PXK: variants seen among roughly 807,000 people sequenced by gnomAD.
The protein encoded by PXK is PX domain-containing protein kinase-like protein.
PXK carries 35 observed loss-of-function variants against 84.7 expected under a neutral mutation model. That is an observed-to-expected ratio of 0.41 (90% confidence interval 0.32 to 0.55). PXK has a LOEUF of 0.55. Among genes scored for constraint, PXK ranks in the 20% least tolerant of loss-of-function variants. The probability of loss-of-function intolerance (pLI) is 0.21; values close to 1 mark genes in which losing one functional copy is unlikely to be tolerated. For synonymous variants in PXK, 253 were observed against 260.8 expected (o/e 0.97, Z 0.29); for missense variants, 634 against 699.7 (o/e 0.91, Z 1.06).
At chr3:58,368,386 G>A (rs954532516) in intron 2 of PXK, among the ~76,000 whole-genome samples, 4 of 152,054 alleles carry the variant, frequency 2.6e-5, no homozygotes, top group Admixed American at 6.6e-5. Flanking sequence ...GCAGTGGAGC[G>A]ATCTCTGCTC....
rs1342336066 is a variant in PXK, at chr3:58,421,535, G to A, written c.1529-3217G>A. On this transcript the variant is annotated intron_variant, in intron 17 of 17. Coordinates refer to ENST00000356151, the MANE Select transcript of PXK (RefSeq NM_017771.5). This position sits in a 1 kb window ranked among gnomAD's most constrained non-coding sequence, Gnocchi z 5.5. ...GCGGAGCTTGCAGTGAGCCGAGATC[G>A]CGCCACTGCACTCCAGCCTGGGCAA... The A allele has an allele frequency of 1.9e-5, 18 of 939,046 alleles. No individual in the cohort carries two copies. The Middle Eastern group carries it at 1.1e-3, about 60-fold the overall frequency. 58.2% of individuals were successfully genotyped at this position (939,046 alleles called of 1,614,324 possible). A position where few individuals can be genotyped will look rare whatever the true frequency, so the allele number is the denominator to read the frequency against.
In PXK at chr3:58,393,164, T is replaced by C. The variant is rs374752902; in HGVS notation, c.615+1317T>C. 1.6e-4 allele frequency among the ~76,000 whole-genome samples: 25 copies of C among 151,958 alleles called. 1 individual carries two copies. In the South Asian group the frequency reaches 4.0e-3, roughly 24 times the overall value. On this transcript the variant is annotated intron_variant, in intron 7 of 17. Coordinates refer to ENST00000356151, the MANE Select transcript of PXK (RefSeq NM_017771.5). The stretch of plus-strand genomic sequence containing the variant: ...GAGATCGAAACCATCCTGGCTAACA[T>C]GGTGAAACCCTGTCTCTACTAAAAA...
intron 17 of PXK, chr3:58,422,238 C>T: frequency 2.0e-6 from 2 of 985,426 alleles, no homozygotes; most frequent in Non-Finnish European, 2.4e-6. Context: ...TTCCTGCCTC[C>T]TCCAGTTTCC....
chr3:58,422,962 A>G (rs1357266617), intron 17 of PXK: 2 of 985,256 alleles, frequency 2.0e-6, no homozygotes, highest in African/African-American at 1.7e-5. Context: ...GTGGCCCTGA[A>G]TATCAAGTCC....
rs999694249 is a variant in PXK at position 58,412,484 on chromosome 3, G to A, written c.1466-417G>A. On this transcript the variant is annotated intron_variant, in intron 16 of 17. Transcript: ENST00000356151. This position sits in a 1 kb window ranked among gnomAD's most constrained non-coding sequence, Gnocchi z 6.2. ...ATGCGTTACTGGGTGGATGCTGTAC[G>A]GGGCACTCCCTTCCTTTGGAAGCCC... Among the ~76,000 whole-genome samples the A allele has an allele frequency of 2.0e-5, 3 of 152,120 alleles. No homozygotes were observed. The highest frequency in any genetic ancestry group is 7.2e-5 in the African/African-American group (3 of 41,422).
At chr3:58,410,559 C>G (rs576400328) in intron 16 of PXK, among the ~76,000 whole-genome samples, 4 of 152,186 alleles carry the variant, frequency 2.6e-5, no homozygotes, top group African/African-American at 9.7e-5. Flanking sequence ...AGGATGTGCT[C>G]TCCTGTGTGA....
In PXK at chr3:58,333,337, A is replaced by T. The variant is rs2107551891; in HGVS notation, c.102+247A>T. 3.4e-6 allele frequency: 1 copy of T among 295,322 alleles called. No homozygotes were observed. The highest frequency in any genetic ancestry group is 2.8e-5 in the South Asian group (1 of 36,056). 18.3% of individuals were successfully genotyped at this position (295,322 alleles called of 1,614,324 possible). On this transcript the variant is annotated intron_variant, in intron 1 of 17. Coordinates refer to ENST00000356151, the MANE Select transcript of PXK (RefSeq NM_017771.5). The surrounding 1 kb of genome is among the most constrained non-coding windows in gnomAD (Gnocchi z 5.4). ...GCTCCCGGCGCCGCGGGGTGGAAGGAGCTCGGCGGCGACCAGGAAAGCGAC... is the reference window on the plus strand; with the variant it reads ...GCTCCCGGCGCCGCGGGGTGGAAGGTGCTCGGCGGCGACCAGGAAAGCGAC...
At chr3:58,347,634 A>C (rs2097847659) in intron 1 of PXK, among the ~76,000 whole-genome samples, 1 of 152,136 alleles carries the variant, frequency 6.6e-6, no homozygotes, top group African/African-American at 2.4e-5. Flanking sequence ...GTTGGTAGAT[A>C]TTTGGGTTAT....
At chr3:58,378,516 G>T (rs139648305) in intron 3 of PXK, among the ~76,000 whole-genome samples, 256 of 17,708 alleles carry the variant, frequency 0.014, 6 homozygotes, top group Non-Finnish European at 0.016. Flanking sequence ...TTTTTTTTGT[G>T]TGTGTGTGTG....
At chr3:58,415,597 A>T (rs1355271297) in intron 17 of PXK, among the ~76,000 whole-genome samples, 1 of 152,272 alleles carries the variant, frequency 6.6e-6, no homozygotes, top group Non-Finnish European at 1.5e-5. Flanking sequence ...TGGAGACGTC[A>T]TTGGATAGGC....
chr3:58,348,325 A>G (rs2097857369), intron 1 of PXK, among the ~76,000 whole-genome samples: 1 of 152,218 alleles, frequency 6.6e-6, no homozygotes, highest in Non-Finnish European at 1.5e-5. Flanking sequence ...ATTGGTTGAA[A>G]GAGGACAAGC....
At chr3:58,413,183 A>C (rs2060462895) in intron 17 of PXK, 3 of 594,240 alleles carry the variant, frequency 5.0e-6, no homozygotes, top group Non-Finnish European at 9.0e-6. Context: ...TTTCAGGGCC[A>C]CTAGCCACCC....
At chr3:58,372,712 T>C (rs542849984) in intron 3 of PXK, among the ~76,000 whole-genome samples, 46 of 151,106 alleles carry the variant, frequency 3.0e-4, no homozygotes, top group Non-Finnish European at 6.1e-4. Context: ...CTGCAATCTC[T>C]GCCTCTTGGG....
chr3:58,336,779 G>A lies in PXK; in HGVS notation c.102+3689G>A, dbSNP rs147916644. 2.7e-3 allele frequency among the ~76,000 whole-genome samples: 414 copies of A among 152,258 alleles called. 1 individual carries two copies. Among genetic ancestry groups the A allele is most frequent in the African/African-American group, 9.6e-3 (400 of 41,560 alleles). ...ACATCCAATTTTTGCTGGTGGGTAG[G>A]CTGTGTGTGATAGCTTTTCATCTCA... On this transcript the variant is annotated intron_variant, in intron 1 of 17. Transcript: ENST00000356151.
rs966298851 is a variant in PXK at position 58,399,870 on chromosome 3, T to A, written c.1181+493T>A. ...GAATTTACTCACTGGGTACTATTTATTAAACTCTAGCATGTACCAGGCACT... is the reference window on the plus strand; with the variant it reads ...GAATTTACTCACTGGGTACTATTTAATAAACTCTAGCATGTACCAGGCACT... On this transcript the variant is annotated intron_variant, in intron 12 of 17. Transcript: ENST00000356151. This position sits in a 1 kb window ranked among gnomAD's most constrained non-coding sequence, Gnocchi z 4.3. 1.3e-5 allele frequency among the ~76,000 whole-genome samples: 2 copies of A among 152,056 alleles called. No homozygotes were observed. Among genetic ancestry groups the A allele is most frequent in the African/African-American group, 4.8e-5 (2 of 41,396 alleles).
Position 58,390,723 on chromosome 3 carries a change from C to A in PXK, c.466+64C>A. On this transcript the variant is annotated intron_variant, in intron 5 of 17. Coordinates refer to ENST00000356151, the MANE Select transcript of PXK (RefSeq NM_017771.5). This position sits in a 1 kb window ranked among gnomAD's most constrained non-coding sequence, Gnocchi z 4.2. ...TCACAGAACTGGATCCTTAGTCATGCTTTCTGATACGTATCCCAGGAACAT... is the reference window on the plus strand; with the variant it reads ...TCACAGAACTGGATCCTTAGTCATGATTTCTGATACGTATCCCAGGAACAT... The A allele has an allele frequency of 1.4e-6, 2 of 1,435,858 alleles. No homozygotes were observed. The highest frequency in any genetic ancestry group is 1.2e-5 in the South Asian group (1 of 80,708). The allele number at this position is 1,435,858 out of a possible 1,614,324, so 88.9% of individuals were successfully genotyped here.
chr3:58,338,144 C>T (rs1332358384), intron 1 of PXK, among the ~76,000 whole-genome samples: 3 of 150,100 alleles, frequency 2.0e-5, no homozygotes, highest in Non-Finnish European at 3.0e-5. Flanking sequence ...GAGTTCGAGA[C>T]CAGCCTGACC....
chr3:58,382,480 A>T lies in PXK; in HGVS notation c.202-34A>T, dbSNP rs1206901990. The stretch of plus-strand genomic sequence containing the variant: ...TTGTGTTGATTCTTATTTGTGGATG[A>T]CATGAGTGTAACTTTTTTTTTTTTT... On this transcript the variant is annotated intron_variant, in intron 3 of 17. Transcript: ENST00000356151. 4 of 1,446,848 alleles carry T rather than the reference A, an allele frequency of 2.8e-6. No individual in the cohort carries two copies. The Admixed American group carries it at 1.1e-4, about 39-fold the overall frequency. The allele number at this position is 1,446,848 out of a possible 1,614,324, so 89.6% of individuals were successfully genotyped here. A position where few individuals can be genotyped will look rare whatever the true frequency, so the allele number is the denominator to read the frequency against.
chr3:58,350,761 G>T lies in PXK; in HGVS notation c.103-15113G>T, dbSNP rs80100066. 2.4e-3 allele frequency among the ~76,000 whole-genome samples: 361 copies of T among 152,312 alleles called. 3 individuals carry two copies. The highest frequency in any genetic ancestry group is 7.8e-3 in the African/African-American group (326 of 41,570). On this transcript the variant is annotated intron_variant, in intron 1 of 17. Coordinates refer to ENST00000356151, the MANE Select transcript of PXK (RefSeq NM_017771.5). ...GAGTAAGTGCCCCATAAGCAGAGCA[G>T]TTATACCTCCCTCTCTGAAGATATG...
Sources: gnomAD v4.1 joint callset for allele counts (sites outside exome capture counted in the v4.1 genomes callset) on GRCh38, gnomAD v4.1.1 for gene constraint, Gnocchi (gnomAD v3.1) non-coding constraint, MANE v1.5 for transcripts, NCBI Gene and HGNC (gene_info 2026-07-23, HGNC 2026-07-21) for gene names.